OTC: variants seen among roughly 807,000 people sequenced by gnomAD.
OTC encodes the protein ornithine transcarbamylase.
OTC carries 3 observed loss-of-function variants against 30.3 expected under a neutral mutation model. The ratio of observed to expected loss-of-function variants is 0.10; its 90% CI spans 0.05 to 0.26. The LOEUF is 0.26. Among genes scored for constraint, OTC ranks in the 10% least tolerant of loss-of-function variants. The pLI, the probability that OTC is intolerant of heterozygous loss-of-function variation, is 1.00. For synonymous variants in OTC, 111 were observed against 99.7 expected, an observed-to-expected ratio of 1.11 and a Z score of -0.67; for missense variants, 194 against 260.3, an observed-to-expected ratio of 0.75 and a Z score of 1.75.
At chrX:38,328,551 G>A in the OTC span, among the ~76,000 whole-genome samples, 1 of 111,755 alleles carries the variant, frequency 8.9e-6, no homozygotes, top group South Asian at 3.7e-4. Flanking sequence ...AGTAAATTGT[G>A]TATAAAGGTT....
chrX:38,355,735 C>G (rs779263252), intron 1 of OTC, among the ~76,000 whole-genome samples: 1 of 112,394 alleles, frequency 8.9e-6, no homozygotes, highest in Non-Finnish European at 1.9e-5. Context: ...AAAATGAATG[C>G]CTTTTAAAAA....
At chrX:38,362,831 A>G (rs1215428207) in intron 1 of OTC, among the ~76,000 whole-genome samples, 1 of 112,126 alleles carries the variant, frequency 8.9e-6, no homozygotes, top group Non-Finnish European at 1.9e-5. Context: ...AAGGTAAGGT[A>G]TTGTTGGTCC....
In OTC at chrX:38,409,006, G is replaced by T; in HGVS notation, c.848G>T (p.Gly283Val). 8.3e-7 allele frequency: 1 copy of T among 1,211,272 alleles called. No homozygotes were observed. Among genetic ancestry groups the T allele is most frequent in the East Asian group, 3.0e-5 (1 of 33,814 alleles). The stretch of plus-strand genomic sequence containing the variant: ...AAAAAGCGGCTCCAGGCTTTCCAAG[G>T]TTACCAGGTTACAATGAAGGTACAA... ...EKKKRLQAFQ[G>V]YQVTMKTAKV... The change falls in exon 8 of 10, where the codon GGT (glycine) becomes GTT (valine). Residue 283 changes from glycine (G) to valine (V), a missense_variant. Physicochemically the swap from Gly to Val is moderately radical, Grantham distance 109. Transcript: ENST00000039007.
intron 3 of OTC, among the ~76,000 whole-genome samples, chrX:38,374,613 A>G (rs2068336997): frequency 9.0e-6 from 1 of 111,444 alleles, no homozygotes. Context: ...CAAGCACCGT[A>G]TCGATCTTCT....
chrX:38,334,524 A>C, the OTC span, among the ~76,000 whole-genome samples: 5 of 111,939 alleles, frequency 4.5e-5, no homozygotes, highest in Non-Finnish European at 7.5e-5. Context: ...CACAGACTCA[A>C]GTCAGAAGAT....
intron 9 of OTC, among the ~76,000 whole-genome samples, chrX:38,413,806 A>C (rs758584772): frequency 4.6e-5 from 5 of 109,439 alleles, no homozygotes; most frequent in Admixed American, 3.9e-4. Context: ...AGTAGCTGGG[A>C]TTACAGGCAG....
At chrX:38,379,006 T>C (rs1290630693) in intron 3 of OTC, among the ~76,000 whole-genome samples, 4 of 111,299 alleles carry the variant, frequency 3.6e-5, no homozygotes, top group Non-Finnish European at 7.5e-5. Flanking sequence ...AACTTTCTTA[T>C]CAGCTTTCCC....
At chrX:38,404,013 C>G (rs1308672072) in intron 6 of OTC, among the ~76,000 whole-genome samples, 1 of 112,368 alleles carries the variant, frequency 8.9e-6, no homozygotes, top group African/African-American at 3.2e-5. Flanking sequence ...GAATACCCTG[C>G]TGTAGGCCAT....
chrX:38,365,245 A>T (rs1207835088), intron 1 of OTC, among the ~76,000 whole-genome samples: 1 of 113,234 alleles, frequency 8.8e-6, no homozygotes. Context: ...TTGGCTGTTT[A>T]TAATTTCGAA....
At chrX:38,376,647 G>T (rs1329174366) in intron 3 of OTC, among the ~76,000 whole-genome samples, 1 of 111,909 alleles carries the variant, frequency 8.9e-6, no homozygotes, top group Non-Finnish European at 1.9e-5. Context: ...GATGGCAAAA[G>T]ATATTCCATG....
intron 4 of OTC, among the ~76,000 whole-genome samples, chrX:38,390,381 A>G (rs1389469813): frequency 8.9e-6 from 1 of 112,325 alleles, no homozygotes; most frequent in East Asian, 2.8e-4. Context: ...TACATTGGGG[A>G]TAGAGATTAA....
chrX:38,421,323 A>G lies in OTC; in HGVS notation c.*241A>G, dbSNP rs2068594586. The G allele has an allele frequency of 2.7e-6, 1 of 370,186 alleles. No individual in the cohort carries two copies. The highest frequency in any genetic ancestry group is 2.5e-5 in the African/African-American group (1 of 39,357). 30.5% of individuals were successfully genotyped at this position (370,186 alleles called of 1,213,427 possible). A position where few individuals can be genotyped will look rare whatever the true frequency, so the allele number is the denominator to read the frequency against. ...AATTCCCAATTTCTGAGTTACATTT[A>G]GATATCATATTAATTATCATATACA... On this transcript the variant is annotated 3_prime_UTR_variant, in exon 10 of 10. Coordinates refer to ENST00000039007, the MANE Select transcript of OTC (RefSeq NM_000531.6).
intron 4 of OTC, among the ~76,000 whole-genome samples, chrX:38,399,342 C>T (rs1347217534): frequency 1.8e-5 from 2 of 110,902 alleles, no homozygotes; most frequent in Non-Finnish European, 3.8e-5. Context: ...CAGCACGTTA[C>T]AATATAGTAA....
chrX:38,417,958 A>T (rs763101706), intron 9 of OTC, among the ~76,000 whole-genome samples: 2 of 112,189 alleles, frequency 1.8e-5, no homozygotes, highest in Non-Finnish European at 3.8e-5. Context: ...GGAAGTGCAG[A>T]TATCCCTGCA....
chrX:38,380,727 A>T (rs936189548), intron 3 of OTC, among the ~76,000 whole-genome samples: 2 of 111,848 alleles, frequency 1.8e-5, no homozygotes, highest in African/African-American at 6.5e-5. Context: ...CATATATTTT[A>T]TTTTATTTTT....
At chrX:38,367,473 T>C (rs369331778) in intron 2 of OTC, 44 bp downstream of exon 2, 62 of 1,105,143 alleles carry the variant, frequency 5.6e-5, no homozygotes, top group African/African-American at 5.3e-4. Context: ...ACCAGTCCCC[T>C]TTTTTTAAAG....
At chrX:38,411,631 A>C (rs1193149315) in intron 8 of OTC, among the ~76,000 whole-genome samples, 1 of 107,388 alleles carries the variant, frequency 9.3e-6, no homozygotes. Flanking sequence ...TTGCCACTGC[A>C]CTCCAGCCTG....
intron 3 of OTC, among the ~76,000 whole-genome samples, chrX:38,380,789 C>A (rs1481437809): frequency 4.5e-5 from 5 of 111,573 alleles, no homozygotes; most frequent in African/African-American, 1.6e-4. Context: ...AGTGCAGTGG[C>A]ATGATCTCGG....
chrX:38,384,618 T>A lies in OTC; in HGVS notation c.386+3189T>A, dbSNP rs377744383. 6.3e-4 allele frequency among the ~76,000 whole-genome samples: 70 copies of A among 111,635 alleles called. 1 individual carries two copies. The South Asian group carries it at 0.026, about 42-fold the overall frequency. Reference sequence around the variant, plus strand: ...TTTAACATTTTAAGGTGCAAAGGGATTGGAGGATGATTAAATGACATTGCT... The same window carrying A: ...TTTAACATTTTAAGGTGCAAAGGGAATGGAGGATGATTAAATGACATTGCT... On this transcript the variant is annotated intron_variant, in intron 4 of 9. Transcript: ENST00000039007.
Sources: allele counts gnomAD v4.1 joint callset (sites outside exome capture counted in the v4.1 genomes callset), GRCh38; gene constraint gnomAD v4.1.1; transcripts MANE v1.5; gene names NCBI Gene and HGNC (gene_info 2026-07-23, HGNC 2026-07-21).